NCOA1: variants seen among roughly 807,000 people sequenced by gnomAD.
The protein encoded by NCOA1 is Hin-2 protein.
Under a neutral mutation model 150.9 loss-of-function variants are expected in NCOA1, and 35 were observed. That is an observed-to-expected ratio of 0.23 (90% CI 0.18 to 0.31). The LOEUF is 0.31. NCOA1 is among the 10% of genes least tolerant of loss of function. The pLI is 1.00. For missense variants in NCOA1, 1,491 were observed against 1,749.3 expected, an observed-to-expected ratio of 0.85 and a Z score of 2.63; for synonymous variants, 590 against 630.0, an observed-to-expected ratio of 0.94 and a Z score of 0.95.
intron 3 of NCOA1, among the ~76,000 whole-genome samples, chr2:24,587,109 A>G (rs1667445907): frequency 6.6e-6 from 1 of 151,874 alleles, no homozygotes; most frequent in Non-Finnish European, 1.5e-5. Flanking sequence ...AAGAAAAAAA[A>G]AAAAAAGAAA....
intron 3 of NCOA1, among the ~76,000 whole-genome samples, chr2:24,603,511 T>C (rs1668221348): frequency 6.6e-6 from 1 of 152,256 alleles, no homozygotes; most frequent in Non-Finnish European, 1.5e-5. Context: ...CTTTACCAAG[T>C]TTATGTAATA....
At position 24,620,369 on chromosome 2, in the gene NCOA1, C is replaced by T. The variant is rs537071602; in HGVS notation, c.-174-23597C>T. On this transcript the variant is annotated intron_variant, in intron 3 of 22. Coordinates refer to ENST00000348332, the MANE Select transcript of NCOA1 (RefSeq NM_003743.5). ...CTGTAATCCCAACACTTTGGGAGGC[C>T]GAGGTGGACGGATCACCTGAGGTCA... 2.3e-3 allele frequency among the ~76,000 whole-genome samples: 345 copies of T among 152,240 alleles called. 2 individuals are homozygous for T. The highest frequency in any genetic ancestry group is 3.9e-3 in the Non-Finnish European group (262 of 68,012).
chr2:24,528,320 G>A (rs766753588), intron 1 of NCOA1, among the ~76,000 whole-genome samples: 6 of 148,198 alleles, frequency 4.0e-5, no homozygotes, highest in Admixed American at 6.8e-5. Flanking sequence ...TTTCTGTGGC[G>A]TCAAATAAGG....
intron 4 of NCOA1, among the ~76,000 whole-genome samples, chr2:24,646,828 T>C (rs927524532): frequency 6.6e-6 from 1 of 151,776 alleles, no homozygotes. Context: ...ATTTAGGTGT[T>C]ATTGAAAGGA....
At chr2:24,669,440 G>T (rs534438917) in intron 6 of NCOA1, among the ~76,000 whole-genome samples, 2 of 152,242 alleles carry the variant, frequency 1.3e-5, no homozygotes, top group East Asian at 3.9e-4. Flanking sequence ...TGTCACTTCT[G>T]TTCACGTTCC....
chr2:24,622,482 C>G (rs749513796), intron 3 of NCOA1, among the ~76,000 whole-genome samples: 1 of 152,126 alleles, frequency 6.6e-6, no homozygotes, highest in South Asian at 2.1e-4. Flanking sequence ...ATGATTATGT[C>G]TTTGTACTTT....
Position 24,658,778 on chromosome 2 carries a change from C to T in NCOA1, c.89+12C>T. 1.2e-6 allele frequency: 2 copies of T among 1,612,474 alleles called. No individual in the cohort carries two copies. The highest frequency in any genetic ancestry group is 1.7e-6 in the Non-Finnish European group (2 of 1,178,642). On this transcript the variant is annotated intron_variant, in intron 5 of 22. Transcript: ENST00000348332. The stretch of plus-strand genomic sequence containing the variant: ...ACACTGGCATCAAGGTAGGAACACT[C>T]CTCTTAGTCTATTTTTGGCAGAGCT...
intron 3 of NCOA1, among the ~76,000 whole-genome samples, chr2:24,592,124 G>A (rs959645279): frequency 2.6e-5 from 4 of 152,124 alleles, no homozygotes; most frequent in African/African-American, 7.2e-5. Flanking sequence ...AACTGAAAAC[G>A]TCGCTAAGGG....
rs1179203376 is a variant in NCOA1, at chr2:24,691,514, G to A, written c.566G>A (p.Arg189Gln). Residue 189 changes from arginine to glutamine, a missense_variant, in exon 9 of 23, where the codon CGA (arginine) becomes CAA (glutamine). Arg to Gln is a conservative substitution (Grantham distance 43). Coordinates refer to ENST00000348332, the MANE Select transcript of NCOA1 (RefSeq NM_003743.5). ...GTTCCTTGGCCTCAAGAGGCAACAC[G>A]ACGAAATAGCCATACCTTTAACTGC... Reference protein sequence around the residue: ...NGVPWPQEATRRNSHTFNCRM... With the variant: ...NGVPWPQEATQRNSHTFNCRM... 3 of 1,613,988 alleles carry A rather than the reference G, an allele frequency of 1.9e-6. No homozygotes were observed. Among genetic ancestry groups the A allele is most frequent in the South Asian group, 1.1e-5 (1 of 91,076 alleles).
intron 1 of NCOA1, among the ~76,000 whole-genome samples, 23 bp downstream of exon 1, chr2:24,491,625 G>C (rs1453446155): frequency 2.0e-5 from 3 of 150,056 alleles, no homozygotes. Context: ...CTGCGGGTGC[G>C]GAGCCTCCCG....
intron 1 of NCOA1, among the ~76,000 whole-genome samples, chr2:24,557,015 G>T (rs974155647): frequency 1.1e-4 from 16 of 150,676 alleles, no homozygotes; most frequent in Admixed American, 4.6e-4. Context: ...GTTGGGTTGG[G>T]GGGGGTGGCT....
rs781681339 is a variant in NCOA1, at chr2:24,665,736, C to G, written c.90-13C>G. On this transcript the variant is annotated splice_polypyrimidine_tract_variant and intron_variant, in intron 5 of 22. Transcript: ENST00000348332. ...TACAAATGTACACTAACTGGATTTTCTTTGTGTAACAGCACGGAAAAGAGG... is the reference window on the plus strand; with the variant it reads ...TACAAATGTACACTAACTGGATTTTGTTTGTGTAACAGCACGGAAAAGAGG... 1 of 1,489,282 alleles carries G rather than the reference C, an allele frequency of 6.7e-7. No homozygotes were observed. The highest frequency in any genetic ancestry group is 2.0e-5 in the Admixed American group (1 of 49,360). The allele number at this position is 1,489,282 out of a possible 1,614,324, so 92.3% of individuals were successfully genotyped here. A position where few individuals can be genotyped will look rare whatever the true frequency, so the allele number is the denominator to read the frequency against.
At chr2:24,562,615 G>T (rs1298310099) in intron 1 of NCOA1, among the ~76,000 whole-genome samples, 2 of 152,186 alleles carry the variant, frequency 1.3e-5, no homozygotes, top group African/African-American at 4.8e-5. Context: ...GTGCATTAAG[G>T]GTTGCTGCAC....
At chr2:24,712,977 C>T (rs1296198928) in intron 14 of NCOA1, among the ~76,000 whole-genome samples, 2 of 152,038 alleles carry the variant, frequency 1.3e-5, no homozygotes, top group Admixed American at 6.5e-5. Context: ...CGCCTGTAAT[C>T]GTGCACTTTG....
chr2:24,618,284 A>G (rs748120975), intron 3 of NCOA1, among the ~76,000 whole-genome samples: 23 of 152,176 alleles, frequency 1.5e-4, no homozygotes, highest in Admixed American at 1.3e-3. Context: ...TTATATCTGG[A>G]TAAGACACGG....
rs1665180200 is a variant in NCOA1, at chr2:24,768,515, GCAAAAA to G, written c.*125_*130del. The G allele has an allele frequency of 2.1e-5, 2 of 94,402 alleles. No individual in the cohort carries two copies. The highest frequency in any genetic ancestry group is 3.7e-5 in the Non-Finnish European group (2 of 53,646). The allele number at this position is 94,402 out of a possible 1,614,324, so 5.8% of individuals were successfully genotyped here. ...CATTCTTCAGGTCGTAGCATTTGGA[GCAAAAA>G]AAAAAAAAAAAAAAAAAAAAGGAGT... On this transcript the variant is annotated 3_prime_UTR_variant, in exon 23 of 23. Transcript: ENST00000348332.
At chr2:24,507,662 C>T (rs1405813816) in intron 1 of NCOA1, among the ~76,000 whole-genome samples, 3 of 151,846 alleles carry the variant, frequency 2.0e-5, no homozygotes, top group Non-Finnish European at 4.4e-5. Context: ...TTTTTCTCCA[C>T]GTCTCGGTAC....
At chr2:24,526,823 G>T (rs1029038813) in intron 1 of NCOA1, among the ~76,000 whole-genome samples, 149 of 151,946 alleles carry the variant, frequency 9.8e-4, no homozygotes, top group African/African-American at 3.5e-3. Flanking sequence ...TGCATCCATG[G>T]ATTTAACCAA....
chr2:24,609,694 G>C (rs1164948920), intron 3 of NCOA1, among the ~76,000 whole-genome samples: 1 of 150,196 alleles, frequency 6.7e-6, no homozygotes, highest in Non-Finnish European at 1.5e-5. Context: ...TTTGATTTCT[G>C]TTTCATCAAT....
Sources: gnomAD v4.1 joint callset for allele counts (sites outside exome capture counted in the v4.1 genomes callset) on GRCh38, gnomAD v4.1.1 for gene constraint, MANE v1.5 for transcripts, NCBI Gene and HGNC (gene_info 2026-07-23, HGNC 2026-07-21) for gene names.